RAN: variants seen among roughly 807,000 people sequenced by gnomAD.
The protein encoded by RAN is GTP-binding nuclear protein Ran.
RAN carries 2 observed loss-of-function variants against 26.8 expected under a neutral mutation model. The observed-to-expected ratio is 0.07, with a 90% CI of 0.03 to 0.23. RAN has a LOEUF of 0.23. RAN is among the 10% of genes least tolerant of loss of function. RAN has a pLI of 1.00. For synonymous variants in RAN, 132 were observed against 95.9 expected (o/e 1.38, Z -2.20); for missense variants, 56 against 264.8 (o/e 0.21, Z 5.47).
Position 130,872,781 on chromosome 12 carries a change from G to C in RAN, c.37-55G>C. ...TGGTGGTTAAAGTTCCGTGACTCTG[G>C]GATCTTGAGAGGTGAAGTGTTTAGG... is the stretch of plus-strand genomic sequence containing the variant. On this transcript the variant is annotated intron_variant, in intron 2 of 6. Transcript: ENST00000543796. 6 of 1,598,988 alleles carry C rather than the reference G, an allele frequency of 3.8e-6. No homozygotes were observed. In the South Asian group the frequency reaches 5.5e-5, roughly 15 times the overall value.
In RAN at chr12:130,876,086, T is replaced by C. The variant is rs1042516618; in HGVS notation, c.*160T>C. 1.4e-6 allele frequency: 1 copy of C among 724,880 alleles called. No homozygotes were observed. The highest frequency in any genetic ancestry group is 2.7e-5 in the East Asian group (1 of 36,964). 44.9% of individuals were successfully genotyped at this position (724,880 alleles called of 1,614,324 possible). A position where few individuals can be genotyped will look rare whatever the true frequency, so the allele number is the denominator to read the frequency against. On this transcript the variant is annotated 3_prime_UTR_variant, in exon 7 of 7. Coordinates refer to ENST00000543796, the MANE Select transcript of RAN (RefSeq NM_006325.5). ...GGAGATGAGTGGGCTTCGGAGTGAATGTGGCAGTTTAAAAAATAACTTCAT... is the reference window on the plus strand; with the variant it reads ...GGAGATGAGTGGGCTTCGGAGTGAACGTGGCAGTTTAAAAAATAACTTCAT...
At chr12:130,873,207 T>A (rs567430601) in intron 4 of RAN, 79 bp downstream of exon 4, 1 of 1,567,500 alleles carries the variant, frequency 6.4e-7, no homozygotes, top group Non-Finnish European at 8.7e-7. Flanking sequence ...AAATCAGGTC[T>A]GTTCCAACAA....
rs936772280 is a variant in RAN at position 130,872,131 on chromosome 12, C to A, written c.-11+5C>A. 1.6e-5 allele frequency: 4 copies of A among 247,300 alleles called. No individual in the cohort carries two copies. Among genetic ancestry groups the A allele is most frequent in the Admixed American group, 4.7e-5 (1 of 21,260 alleles). The allele number at this position is 247,300 out of a possible 1,614,324, so 15.3% of individuals were successfully genotyped here. A position where few individuals can be genotyped will look rare whatever the true frequency, so the allele number is the denominator to read the frequency against. Reference sequence around the variant, plus strand: ...GCGCGGAGACGCTTCTGGAAGGTATCGCGACCCGGCGGGCCCGGCACGGCC... The same window carrying A: ...GCGCGGAGACGCTTCTGGAAGGTATAGCGACCCGGCGGGCCCGGCACGGCC... On this transcript the variant is annotated splice_donor_5th_base_variant and intron_variant, in intron 1 of 6. Transcript: ENST00000543796.
In RAN at chr12:130,872,095, C is replaced by A; in HGVS notation, c.-42C>A. 1 of 321,388 alleles carries A rather than the reference C, an allele frequency of 3.1e-6. No homozygotes were observed. Among genetic ancestry groups the A allele is most frequent in the Non-Finnish European group, 6.6e-6 (1 of 150,960 alleles). 19.9% of individuals were successfully genotyped at this position (321,388 alleles called of 1,614,324 possible). ...TGCGCTTCCGCCATCTTTCCAGCCT[C>A]AGTCGGACGGGCGCGGAGACGCTTC... On this transcript the variant is annotated 5_prime_UTR_variant, in exon 1 of 7. Transcript: ENST00000543796.
chr12:130,874,299 T>C (rs1953197476), intron 4 of RAN: 1 of 420,818 alleles, frequency 2.4e-6, no homozygotes, highest in East Asian at 3.8e-5. Context: ...CAGATACTTT[T>C]TTGGGATGAG....
At chr12:130,874,376 T>C in intron 4 of RAN, 170 bp from the exon 5 acceptor site, 1 of 564,686 alleles carries the variant, frequency 1.8e-6, no homozygotes. Flanking sequence ...TTAGGAGGAA[T>C]TGTGTATTAA....
At chr12:130,873,510 C>A (rs550849664) in intron 4 of RAN, 8 of 216,336 alleles carry the variant, frequency 3.7e-5, no homozygotes, top group African/African-American at 1.6e-4. Context: ...GATACTAGAC[C>A]AGAGGAGATA....
At chr12:130,873,447 T>G (rs1182093999) in intron 4 of RAN, 1 of 303,744 alleles carries the variant, frequency 3.3e-6, no homozygotes, top group Non-Finnish European at 6.3e-6. Context: ...TGTATGTATT[T>G]TGGTGTGGTG....
At chr12:130,872,469 C>A in intron 1 of RAN, 115 bp from the exon 2 acceptor site, 1 of 648,014 alleles carries the variant, frequency 1.5e-6, no homozygotes, top group Non-Finnish European at 2.1e-6. Flanking sequence ...CGCCATGGCG[C>A]CGCGGGCGGG....
chr12:130,876,155 C>T lies in RAN; in HGVS notation c.*229C>T, dbSNP rs1953235935. ...TAGCTGTTTTGGAACGCAGTTGATTCCTTGAGTTTCATATATAAGACTGCT... is the reference window on the plus strand; with the variant it reads ...TAGCTGTTTTGGAACGCAGTTGATTTCTTGAGTTTCATATATAAGACTGCT... On this transcript the variant is annotated 3_prime_UTR_variant, in exon 7 of 7. Coordinates refer to ENST00000543796, the MANE Select transcript of RAN (RefSeq NM_006325.5). The T allele has an allele frequency of 1.8e-6, 1 of 565,840 alleles. No homozygotes were observed. The highest frequency in any genetic ancestry group is 3.0e-5 in the East Asian group (1 of 33,888). The allele number at this position is 565,840 out of a possible 1,614,324, so 35.1% of individuals were successfully genotyped here.
Position 130,874,737 on chromosome 12 carries a change from T to C in RAN, c.435+4T>C. The C allele has an allele frequency of 1.9e-6, 3 of 1,606,320 alleles. No individual in the cohort carries two copies. Among genetic ancestry groups the C allele is most frequent in the Non-Finnish European group, 2.6e-6 (3 of 1,175,482 alleles). On this transcript the variant is annotated splice_donor_region_variant and intron_variant, in intron 5 of 6. Coordinates refer to ENST00000543796, the MANE Select transcript of RAN (RefSeq NM_006325.5). ...CCACCGAAAGAAGAATCTTCAGGTG[T>C]GTAAAATTAAAACTTCCTGAGTTAT...
At chr12:130,873,218 A>G in intron 4 of RAN, 90 bp downstream of exon 4, 6 of 1,525,988 alleles carry the variant, frequency 3.9e-6, no homozygotes, top group Non-Finnish European at 5.3e-6. Context: ...GTTCCAACAA[A>G]TAGTGTCATT....
At chr12:130,873,298 T>A in intron 4 of RAN, 170 bp downstream of exon 4, 1 of 816,192 alleles carries the variant, frequency 1.2e-6, no homozygotes, top group Non-Finnish European at 1.9e-6. Context: ...AAAATTTTAT[T>A]AAAGTTGTGT....
intron 5 of RAN, among the ~76,000 whole-genome samples, chr12:130,875,300 T>C (rs1953218357): frequency 6.6e-6 from 1 of 152,102 alleles, no homozygotes; most frequent in Non-Finnish European, 1.5e-5. Context: ...TAGCTCACTG[T>C]AGCCCTGAAC....
At chr12:130,872,458 C>A (rs993367533) in intron 1 of RAN, 126 bp from the exon 2 acceptor site, 2 of 514,358 alleles carry the variant, frequency 3.9e-6, no homozygotes, top group Non-Finnish European at 5.4e-6. Context: ...CCAGGCCTGG[C>A]CGCCATGGCG....
At chr12:130,874,941 C>T (rs1186227885) in intron 5 of RAN, among the ~76,000 whole-genome samples, 1 of 152,062 alleles carries the variant, frequency 6.6e-6, no homozygotes, top group African/African-American at 2.4e-5. Context: ...TGTCTCAGCT[C>T]CCCTAGTAGC....
In RAN at chr12:130,876,772, C is replaced by G. The variant is rs1348759952; in HGVS notation, c.*846C>G. On this transcript the variant is annotated 3_prime_UTR_variant, in exon 7 of 7. Coordinates refer to ENST00000543796, the MANE Select transcript of RAN (RefSeq NM_006325.5). ...GTTAAAAATAATTACAAATTTTGCA[C>G]TTTTTTGTTTGAATGTTAGATGCTT... The G allele has an allele frequency of 6.6e-6, 1 of 152,126 alleles. No individual in the cohort carries two copies. Among genetic ancestry groups the G allele is most frequent in the Non-Finnish European group, 1.5e-5 (1 of 68,022 alleles). 9.4% of individuals were successfully genotyped at this position (152,126 alleles called of 1,614,324 possible).
In RAN at chr12:130,872,113, G is replaced by C; in HGVS notation, c.-24G>C. 1 of 311,174 alleles carries C rather than the reference G, an allele frequency of 3.2e-6. No homozygotes were observed. Among genetic ancestry groups the C allele is most frequent in the South Asian group, 2.3e-5 (1 of 43,746 alleles). 19.3% of individuals were successfully genotyped at this position (311,174 alleles called of 1,614,324 possible). ...CCAGCCTCAGTCGGACGGGCGCGGA[G>C]ACGCTTCTGGAAGGTATCGCGACCC... On this transcript the variant is annotated 5_prime_UTR_variant, in exon 1 of 7. Coordinates refer to ENST00000543796, the MANE Select transcript of RAN (RefSeq NM_006325.5).
chr12:130,872,986 C>G lies in RAN; in HGVS notation c.122-17C>G. 1 of 1,614,186 alleles carries G rather than the reference C, an allele frequency of 6.2e-7. No homozygotes were observed. The highest frequency in any genetic ancestry group is 8.5e-7 in the Non-Finnish European group (1 of 1,180,034). ...ATGGGTAAGTTCATCCACTCAATCG[C>G]ATCGTTTCCGTTTCAGCCACCTTGG... On this transcript the variant is annotated splice_polypyrimidine_tract_variant and intron_variant, in intron 3 of 6. Coordinates refer to ENST00000543796, the MANE Select transcript of RAN (RefSeq NM_006325.5).
Sources: allele counts gnomAD v4.1 joint callset (sites outside exome capture counted in the v4.1 genomes callset), GRCh38; gene constraint gnomAD v4.1.1; transcripts MANE v1.5; gene names NCBI Gene and HGNC (gene_info 2026-07-23, HGNC 2026-07-21).